Variants in COBLL1 observed in about 807,000 individuals in gnomAD.
COBLL1 encodes the protein cordon-bleu protein-like 1.
Under a neutral mutation model 94.8 loss-of-function variants are expected in COBLL1, and 50 were observed. The observed-to-expected ratio is 0.53, with a 90% CI of 0.42 to 0.67. The LOEUF (loss-of-function observed/expected upper bound fraction) is 0.67, where lower values mean the gene tolerates loss of function less well. Among genes scored for constraint, COBLL1 ranks in the 30% least tolerant of loss-of-function variants. The pLI is 0.00. For missense variants in COBLL1, 1,362 were observed against 1,348.7 expected, an observed-to-expected ratio of 1.01 and a Z score of -0.15; for synonymous variants, 448 against 473.8, an observed-to-expected ratio of 0.95 and a Z score of 0.71.
At chr2:164,706,211 A>G (rs1684591933) in intron 7 of COBLL1, among the ~76,000 whole-genome samples, 1 of 152,170 alleles carries the variant, frequency 6.6e-6, no homozygotes. Flanking sequence ...CTCAGAACTC[A>G]CTTATGAGAC....
intron 2 of COBLL1, among the ~76,000 whole-genome samples, chr2:164,759,035 T>C (rs1436407280): frequency 6.6e-6 from 1 of 152,076 alleles, no homozygotes; most frequent in East Asian, 1.9e-4. Flanking sequence ...TTAAAATATA[T>C]GCACATACAC....
At chr2:164,755,155 A>G (rs1405290279) in intron 2 of COBLL1, among the ~76,000 whole-genome samples, 1 of 152,040 alleles carries the variant, frequency 6.6e-6, no homozygotes, top group Non-Finnish European at 1.5e-5. Context: ...ACAAAGCAAG[A>G]CCCTGTCTGC....
At chr2:164,839,721 G>C (rs192220162) in intron 2 of COBLL1, among the ~76,000 whole-genome samples, 2 of 151,924 alleles carry the variant, frequency 1.3e-5, no homozygotes, top group African/African-American at 4.8e-5. Flanking sequence ...CTGTCTCATC[G>C]TCAATTCACA....
At chr2:164,818,259 CAT>C (rs995391550) in intron 2 of COBLL1, among the ~76,000 whole-genome samples, 4 of 106,518 alleles carry the variant, frequency 3.8e-5, no homozygotes, top group South Asian at 3.0e-4. Flanking sequence ...TGCATATACA[CAT>C]ATACACGTAT....
chr2:164,703,303 A>T (rs1684414124), intron 9 of COBLL1: 3 of 837,928 alleles, frequency 3.6e-6, no homozygotes, highest in East Asian at 2.6e-5. Context: ...TTTTGGAAGA[A>T]ATCAGATTTG....
Position 164,714,282 on chromosome 2 carries a change from A to G in COBLL1, c.996+7793T>C, listed in dbSNP as rs115528277. Among the ~76,000 whole-genome samples the G allele has an allele frequency of 3.5e-3, 538 of 152,020 alleles. 3 individuals are homozygous for G. Among genetic ancestry groups the G allele is most frequent in the African/African-American group, 0.012 (506 of 41,456 alleles). ...CTATGATACTCTGATAAAGTATATA[A>G]ACTAAGTCTTACTCATGATAATCCT... On this transcript the variant is annotated intron_variant, in intron 7 of 13. Coordinates refer to ENST00000652658, the MANE Select transcript of COBLL1 (RefSeq NM_001365672.2).
At chr2:164,765,517 T>C (rs1442054640) in intron 2 of COBLL1, among the ~76,000 whole-genome samples, 1 of 152,188 alleles carries the variant, frequency 6.6e-6, no homozygotes, top group Non-Finnish European at 1.5e-5. Context: ...TCTGTTACGA[T>C]ATATAACAAA....
At chr2:164,704,545 TAA>T in intron 8 of COBLL1, 27 bp from the exon 9 acceptor site, 1 of 1,524,688 alleles carries the variant, frequency 6.6e-7, no homozygotes, top group Non-Finnish European at 9.1e-7. Flanking sequence ...ACACAACTTA[TAA>T]AGTCATATTC....
chr2:164,727,863 A>G (rs1685790168), intron 5 of COBLL1, 106 bp downstream of exon 5: 1 of 678,688 alleles, frequency 1.5e-6, no homozygotes, highest in Non-Finnish European at 2.5e-6. Flanking sequence ...TATAGGACCC[A>G]TTAACTGCCA....
intron 2 of COBLL1, among the ~76,000 whole-genome samples, chr2:164,808,957 T>A (rs999430071): frequency 1.3e-5 from 2 of 152,088 alleles, no homozygotes; most frequent in Non-Finnish European, 2.9e-5. Context: ...TTCTACAGCA[T>A]TCACTAAATA....
At chr2:164,665,518 G>T (rs2105384405) in intron 2 of COBLL1, among the ~76,000 whole-genome samples, 1 of 148,400 alleles carries the variant, frequency 6.7e-6, no homozygotes, top group Admixed American at 6.7e-5. Flanking sequence ...ACTTCAAAAA[G>T]ATTGAAAACC....
intron 7 of COBLL1, among the ~76,000 whole-genome samples, chr2:164,707,384 G>C (rs570741810): frequency 5.6e-4 from 85 of 152,184 alleles, no homozygotes; most frequent in African/African-American, 2.0e-3. Flanking sequence ...CAAGTGATCT[G>C]CCTGCCTTGG....
At chr2:164,716,173 T>C (rs1285388059) in intron 7 of COBLL1, among the ~76,000 whole-genome samples, 3 of 152,184 alleles carry the variant, frequency 2.0e-5, no homozygotes, top group African/African-American at 7.2e-5. Flanking sequence ...TGAACTTAGA[T>C]TTATCTGAGA....
At position 164,706,421 on chromosome 2, in the gene COBLL1, C is replaced by G. The variant is rs143658348; in HGVS notation, c.997-1316G>C. Among the ~76,000 whole-genome samples the G allele has an allele frequency of 2.6e-5, 4 of 152,238 alleles. No individual in the cohort carries two copies. In the East Asian group the frequency reaches 7.7e-4, roughly 29 times the overall value. ...CACATTCCATTTAGTATCTCTGCTC[C>G]CTCTCCAGAGGATCTCATCTATTCT... On this transcript the variant is annotated intron_variant, in intron 7 of 13. Transcript: ENST00000652658.
Position 164,694,604 on chromosome 2 carries a change from G to A in COBLL1, c.2788C>T (p.Leu930Phe). 2 of 1,613,938 alleles carry A rather than the reference G, an allele frequency of 1.2e-6. No individual in the cohort carries two copies. The highest frequency in any genetic ancestry group is 2.2e-5 in the East Asian group (1 of 44,866). ...SKMPHSVPQP[L>F]VEKTDDDVIG... ...ACATCATCATCAGTTTTTTCAACAA[G>A]GGGTTGTGGAACAGAGTGAGGCATT... is the stretch of plus-strand genomic sequence containing the variant. Residue 930 changes from leucine to phenylalanine, a missense_variant, in exon 12 of 14, where the codon CTT (leucine) becomes TTT (phenylalanine). Leu to Phe is a conservative substitution (Grantham distance 22, BLOSUM62 0). Coordinates refer to ENST00000652658, the MANE Select transcript of COBLL1 (RefSeq NM_001365672.2).
chr2:164,739,748 G>A (rs576295506), intron 3 of COBLL1, among the ~76,000 whole-genome samples: 8 of 152,036 alleles, frequency 5.3e-5, no homozygotes, highest in Non-Finnish European at 1.2e-4. Flanking sequence ...CTTTTATATG[G>A]TAGTAACAAA....
At chr2:164,728,598 C>T (rs1685832858) in intron 4 of COBLL1, among the ~76,000 whole-genome samples, 1 of 151,902 alleles carries the variant, frequency 6.6e-6, no homozygotes, top group African/African-American at 2.4e-5. Context: ...AATAATTTCT[C>T]TATTGCCTCA....
At chr2:164,676,440 A>C (rs577096736), downstream of COBLL1, among the ~76,000 whole-genome samples, 29 of 152,346 alleles carry the variant, frequency 1.9e-4, no homozygotes, top group African/African-American at 7.0e-4. Flanking sequence ...GACTGGGAAG[A>C]GCCCAAGAAA....
At chr2:164,677,604 A>G (rs1691360172), downstream of COBLL1, among the ~76,000 whole-genome samples, 2 of 152,214 alleles carry the variant, frequency 1.3e-5, no homozygotes, top group South Asian at 2.1e-4. Flanking sequence ...AGCTTTCAGT[A>G]GAATTCAGTT....
Sources: gnomAD v4.1 joint callset for allele counts (sites outside exome capture counted in the v4.1 genomes callset) on GRCh38, gnomAD v4.1.1 for gene constraint, MANE v1.5 for transcripts, NCBI Gene and HGNC (gene_info 2026-07-23, HGNC 2026-07-21) for gene names.